The following POTEJ variants were observed in gnomAD, a reference collection of about 807,000 sequenced individuals.
POTEJ encodes POTE ankyrin domain family member J.
In POTEJ, 11 loss-of-function variants were observed where a neutral mutation model predicts 69.0. The ratio of observed to expected loss-of-function variants is 0.16; its 90% CI spans 0.10 to 0.26. The LOEUF is 0.26. Among genes scored for constraint, POTEJ ranks in the 10% least tolerant of loss-of-function variants. The pLI, the probability that POTEJ is intolerant of heterozygous loss-of-function variation, is 1.00. For missense variants in POTEJ, 327 were observed against 1,045.5 expected, an observed-to-expected ratio of 0.31 and a Z score of 9.48; for synonymous variants, 117 against 381.1, an observed-to-expected ratio of 0.31 and a Z score of 8.07.
intron 5 of POTEJ, among the ~76,000 whole-genome samples, chr2:130,622,680 A>G (rs558584637): frequency 2.8e-5 from 4 of 141,694 alleles, no homozygotes; most frequent in Non-Finnish European, 4.6e-5. Context: ...TGTCCCAGCT[A>G]CTTCCATCTC....
intron 11 of POTEJ, 145 bp from the exon 12 acceptor site, chr2:130,645,592 A>G: frequency 2.3e-6 from 1 of 439,836 alleles, no homozygotes; most frequent in Non-Finnish European, 3.6e-6. Flanking sequence ...ATTTATTTTA[A>G]CAGTTTAATT....
chr2:130,613,098 A>C, intron 1 of POTEJ, among the ~76,000 whole-genome samples: 1 of 139,036 alleles, frequency 7.2e-6, no homozygotes, highest in African/African-American at 2.7e-5. Flanking sequence ...TGGATTGTTC[A>C]TAATTCATTT....
In POTEJ at chr2:130,632,792, A is replaced by T. The variant is rs2105225313; in HGVS notation, c.1298+136A>T. ...CCTTGCCCATTAATCAGAAAAATGAAAATCAGCGAACAATGAGTTACCATT... is the reference window on the plus strand; with the variant it reads ...CCTTGCCCATTAATCAGAAAAATGATAATCAGCGAACAATGAGTTACCATT... On this transcript the variant is annotated intron_variant, in intron 9 of 14. Transcript: ENST00000409602. 3.1e-6 allele frequency: 4 copies of T among 1,305,878 alleles called. No individual in the cohort carries two copies. The East Asian group carries it at 6.9e-5, about 23-fold the overall frequency. The allele number at this position is 1,305,878 out of a possible 1,614,324, so 80.9% of individuals were successfully genotyped here. A position where few individuals can be genotyped will look rare whatever the true frequency, so the allele number is the denominator to read the frequency against.
At chr2:130,612,870 T>A (rs1432257386) in intron 1 of POTEJ, among the ~76,000 whole-genome samples, 12 of 141,860 alleles carry the variant, frequency 8.5e-5, no homozygotes. Flanking sequence ...ACATGCTGTC[T>A]TTTATTATTG....
At chr2:130,639,120 T>C (rs1230497178) in intron 10 of POTEJ, among the ~76,000 whole-genome samples, 1 of 152,306 alleles carries the variant, frequency 6.6e-6, no homozygotes, top group Admixed American at 6.5e-5. Flanking sequence ...ATATGAGCCA[T>C]AAGGAGTGGC....
At chr2:130,624,629 G>A (rs1269454271) in intron 6 of POTEJ, among the ~76,000 whole-genome samples, 1 of 152,022 alleles carries the variant, frequency 6.6e-6, no homozygotes, top group Non-Finnish European at 1.5e-5. Context: ...CTCCTGTGTG[G>A]TGTGGTTCAT....
At position 130,638,127 on chromosome 2, in the gene POTEJ, T is replaced by C. The variant is rs552414915; in HGVS notation, c.1299-492T>C. Among the ~76,000 whole-genome samples, 12 of 150,056 alleles carry C rather than the reference T, an allele frequency of 8.0e-5. No homozygotes were observed. The East Asian group carries it at 2.1e-3, about 27-fold the overall frequency. Reference sequence around the variant, plus strand: ...AATTCGCACTGGGTTTTATTTGGGATTCCAAGATAATTTCAGTCATAAAGT... The same window carrying C: ...AATTCGCACTGGGTTTTATTTGGGACTCCAAGATAATTTCAGTCATAAAGT... On this transcript the variant is annotated intron_variant, in intron 9 of 14. Transcript: ENST00000409602.
chr2:130,641,782 A>G (rs1331174154), intron 10 of POTEJ, among the ~76,000 whole-genome samples: 1 of 152,172 alleles, frequency 6.6e-6, no homozygotes, highest in Non-Finnish European at 1.5e-5. Flanking sequence ...ATCAGCATTT[A>G]TAACTCACAT....
At chr2:130,646,768 G>A (rs1161890413) in intron 13 of POTEJ, among the ~76,000 whole-genome samples, 1 of 143,768 alleles carries the variant, frequency 7.0e-6, no homozygotes, top group Non-Finnish European at 1.5e-5. Context: ...CTCATGTTTA[G>A]TTCCCACTAA....
At chr2:130,649,206 ATT>A (rs1371846365) in intron 13 of POTEJ, among the ~76,000 whole-genome samples, 2 of 149,244 alleles carry the variant, frequency 1.3e-5, no homozygotes, top group African/African-American at 5.1e-5. Context: ...TGACATCTCT[ATT>A]TGATTAGCTG....
chr2:130,655,296 A>G (rs879023564), intron 14 of POTEJ, among the ~76,000 whole-genome samples: 2 of 152,286 alleles, frequency 1.3e-5, no homozygotes, highest in South Asian at 4.1e-4. Flanking sequence ...TTTCATAAGA[A>G]TTGACGATCT....
chr2:130,649,413 A>G (rs1440666955), intron 13 of POTEJ, among the ~76,000 whole-genome samples: 2 of 152,228 alleles, frequency 1.3e-5, no homozygotes, highest in African/African-American at 4.8e-5. Flanking sequence ...AAATCTTGTC[A>G]GGTCTATCTG....
intron 11 of POTEJ, among the ~76,000 whole-genome samples, chr2:130,645,508 CAT>C (rs1329353222): frequency 0.012 from 1,714 of 137,178 alleles, 1 homozygote; most frequent in African/African-American, 0.043. Flanking sequence ...TTATTTTTCA[CAT>C]GTTAGAAGCC....
intron 6 of POTEJ, among the ~76,000 whole-genome samples, chr2:130,627,101 G>T (rs1573976635): frequency 6.6e-6 from 1 of 152,198 alleles, no homozygotes; most frequent in Admixed American, 6.5e-5. Context: ...ACCTGGATGT[G>T]AGGAAGAAGG....
chr2:130,640,872 C>T (rs1244972920), intron 10 of POTEJ, among the ~76,000 whole-genome samples: 29 of 152,184 alleles, frequency 1.9e-4, no homozygotes, highest in Non-Finnish European at 2.8e-4. Flanking sequence ...TGAGGAATGG[C>T]TATTGATAGG....
chr2:130,632,916 G>A (rs1419043939), intron 9 of POTEJ, among the ~76,000 whole-genome samples: 2 of 146,884 alleles, frequency 1.4e-5, no homozygotes, highest in Non-Finnish European at 3.0e-5. Context: ...TTTAGTTTCA[G>A]GGGTACATGT....
intron 6 of POTEJ, among the ~76,000 whole-genome samples, chr2:130,626,826 CT>C (rs1222409763): frequency 2.0e-5 from 3 of 152,132 alleles, no homozygotes; most frequent in Non-Finnish European, 4.4e-5. Context: ...ATATGTTGGC[CT>C]TTGTTTTTTT....
chr2:130,656,829 C>T lies in POTEJ; in HGVS notation c.2069C>T (p.Pro690Leu), dbSNP rs536494685. 3.1e-6 allele frequency: 5 copies of T among 1,601,946 alleles called. No homozygotes were observed. Among genetic ancestry groups the T allele is most frequent in the Non-Finnish European group, 4.3e-6 (5 of 1,174,538 alleles). The change falls in exon 15 of 15, where the codon CCC (proline) becomes CTC (leucine). Residue 690 changes from proline to leucine, a missense_variant. Physicochemically the swap from Pro to Leu is moderately conservative, Grantham distance 98. Transcript: ENST00000409602. ...CKAGFAGDDA[P>L]RAVFPSIVGC... ...GCCGGCTTTGCGGGCGACGATGCCC[C>T]CCGGGCTGTCTTCCCTTCCATCGTG... is the stretch of plus-strand genomic sequence containing the variant.
intron 9 of POTEJ, 100 bp downstream of exon 9, chr2:130,632,756 A>T (rs969995657): frequency 7.8e-7 from 1 of 1,279,298 alleles, no homozygotes; most frequent in Non-Finnish European, 1.1e-6. Flanking sequence ...TAGTTTTACT[A>T]GGATATTCAG....
Sources: allele counts gnomAD v4.1 joint callset (sites outside exome capture counted in the v4.1 genomes callset), GRCh38; gene constraint gnomAD v4.1.1; transcripts MANE v1.5; gene names NCBI Gene and HGNC (gene_info 2026-07-23, HGNC 2026-07-21).